The following ARFGEF2 variants were observed in gnomAD, a reference collection of about 807,000 sequenced individuals.
ARFGEF2 encodes ARF guanine nucleotide exchange factor 2.
Under a neutral mutation model 219.9 loss-of-function variants are expected in ARFGEF2, and 74 were observed. That is an observed-to-expected ratio of 0.34 (90% CI 0.28 to 0.41). The LOEUF is 0.41. Ranked by LOEUF, ARFGEF2 falls within the 10% of genes least tolerant of loss-of-function variation. The pLI is 1.00. For synonymous variants in ARFGEF2, 733 were observed against 799.2 expected (o/e 0.92, Z 1.40); for missense variants, 1,743 against 2,218.3 (o/e 0.79, Z 4.30).
At chr20:48,968,386 C>T (rs531551933) in intron 8 of ARFGEF2, among the ~76,000 whole-genome samples, 2 of 151,256 alleles carry the variant, frequency 1.3e-5, no homozygotes, top group South Asian at 2.1e-4. Flanking sequence ...CTTTGTTACC[C>T]GTTTATCCTG....
At chr20:48,985,015 C>A in intron 15 of ARFGEF2, 175 bp downstream of exon 15, 2 of 683,684 alleles carry the variant, frequency 2.9e-6, no homozygotes, top group Non-Finnish European at 3.6e-6. Flanking sequence ...ATCCCGTTGG[C>A]TAGTGTTGCA....
intron 8 of ARFGEF2, among the ~76,000 whole-genome samples, chr20:48,966,994 G>C (rs1388771092): frequency 6.6e-6 from 1 of 152,078 alleles, no homozygotes; most frequent in African/African-American, 2.4e-5. Context: ...CTACAGGCAT[G>C]CACCACCATA....
At chr20:48,926,586 G>A (rs1224105676) in intron 1 of ARFGEF2, among the ~76,000 whole-genome samples, 2 of 151,970 alleles carry the variant, frequency 1.3e-5, no homozygotes, top group South Asian at 2.1e-4. Flanking sequence ...AGCCTCCCAA[G>A]TAGCTAGGAC....
chr20:48,985,618 G>A lies in ARFGEF2; in HGVS notation c.2276+5G>A, dbSNP rs761295819. 3 of 1,614,012 alleles carry A rather than the reference G, an allele frequency of 1.9e-6. No individual in the cohort carries two copies. Among genetic ancestry groups the A allele is most frequent in the South Asian group, 2.2e-5 (2 of 91,072 alleles). ...ATACATAGAATGCAACCAAGGGTGA[G>A]CGCCGATTTTGAGTCCCTTCCAGAT... On this transcript the variant is annotated splice_donor_5th_base_variant and intron_variant, in intron 16 of 38. Coordinates refer to ENST00000371917, the MANE Select transcript of ARFGEF2 (RefSeq NM_006420.3).
intron 36 of ARFGEF2, among the ~76,000 whole-genome samples, chr20:49,027,937 G>A (rs1359022214): frequency 2.0e-5 from 3 of 152,192 alleles, no homozygotes; most frequent in Admixed American, 2.0e-4. Context: ...AAACCGGCCA[G>A]GGCCACATAG....
chr20:48,981,914 C>T lies in ARFGEF2; in HGVS notation c.1959-2815C>T, dbSNP rs773811900. 1.2e-3 allele frequency among the ~76,000 whole-genome samples: 178 copies of T among 152,134 alleles called. 1 individual carries two copies. The highest frequency in any genetic ancestry group is 2.1e-3 in the Non-Finnish European group (144 of 68,030). Reference sequence around the variant, plus strand: ...TTTTTCAAGGTTCTTAGCTTCCTTGCGATGGGTTCGAACATCCTCCTTTAG... The same window carrying T: ...TTTTTCAAGGTTCTTAGCTTCCTTGTGATGGGTTCGAACATCCTCCTTTAG... On this transcript the variant is annotated intron_variant, in intron 14 of 38. Transcript: ENST00000371917.
rs749416264 is a variant in ARFGEF2 at position 48,952,770 on chromosome 20, G to A, written c.489G>A (p.Val163=). 2 of 1,614,202 alleles carry A rather than the reference G, an allele frequency of 1.2e-6. No individual in the cohort carries two copies. Among genetic ancestry groups the A allele is most frequent in the Admixed American group, 3.3e-5 (2 of 60,018 alleles). The change falls in exon 5 of 39, where the codon GTG becomes GTA. Residue 163 remains valine, a synonymous_variant. Coordinates refer to ENST00000371917, the MANE Select transcript of ARFGEF2 (RefSeq NM_006420.3). ...EIHEGTILQT[V]RTCYNIYLAS... ...ATGAGGGTACTATCCTGCAGACAGT[G>A]AGAACATGTTACAATATCTATTTGG...
intron 14 of ARFGEF2, among the ~76,000 whole-genome samples, chr20:48,978,913 C>T (rs2123436589): frequency 6.6e-6 from 1 of 152,304 alleles, no homozygotes; most frequent in South Asian, 2.1e-4. Context: ...ATCATGTCAT[C>T]TGCAAACAGG....
intron 1 of ARFGEF2, among the ~76,000 whole-genome samples, chr20:48,940,738 C>A (rs1291668091): frequency 6.6e-6 from 1 of 152,194 alleles, no homozygotes; most frequent in African/African-American, 2.4e-5. Context: ...GCTCAGGAGA[C>A]ACTTGGCAAT....
At chr20:48,937,344 C>G (rs2090964928) in intron 1 of ARFGEF2, among the ~76,000 whole-genome samples, 1 of 152,228 alleles carries the variant, frequency 6.6e-6, no homozygotes, top group African/African-American at 2.4e-5. Flanking sequence ...TACAAAGATG[C>G]CGTTATCATC....
intron 36 of ARFGEF2, among the ~76,000 whole-genome samples, chr20:49,028,193 G>A (rs1356154105): frequency 1.3e-5 from 2 of 152,152 alleles, no homozygotes; most frequent in African/African-American, 2.4e-5. Context: ...GGGAGGCGGA[G>A]GTTGCAGTGA....
chr20:49,013,357 AG>A (rs2123525824), intron 28 of ARFGEF2, among the ~76,000 whole-genome samples: 1 of 150,618 alleles, frequency 6.6e-6, no homozygotes, highest in South Asian at 2.1e-4. Context: ...TAAAACCCGC[AG>A]AGGTCCATAG....
At chr20:49,017,620 A>G in intron 33 of ARFGEF2, 70 bp downstream of exon 33, 2 of 1,540,496 alleles carry the variant, frequency 1.3e-6, no homozygotes, top group Non-Finnish European at 1.8e-6. Flanking sequence ...ATAAGCCTGT[A>G]TAGTTTGTAC....
intron 1 of ARFGEF2, 102 bp downstream of exon 1, chr20:48,922,112 C>T (rs2090845804): frequency 6.8e-7 from 1 of 1,475,034 alleles, no homozygotes; most frequent in Non-Finnish European, 9.0e-7. Context: ...CCGCTTCCCC[C>T]CGATCCCGAA....
chr20:49,007,245 T>C (rs2091466609), intron 26 of ARFGEF2, among the ~76,000 whole-genome samples: 1 of 152,018 alleles, frequency 6.6e-6, no homozygotes, highest in African/African-American at 2.4e-5. Flanking sequence ...CTAATTCCTC[T>C]TGTCTGCTAT....
intron 1 of ARFGEF2, among the ~76,000 whole-genome samples, chr20:48,932,120 GA>G (rs2123282628): frequency 6.6e-6 from 1 of 152,284 alleles, no homozygotes; most frequent in Admixed American, 6.5e-5. Context: ...AAGTTCCTGA[GA>G]AGGCGGATAG....
At chr20:48,923,961 C>T (rs978160672) in intron 1 of ARFGEF2, among the ~76,000 whole-genome samples, 1 of 152,046 alleles carries the variant, frequency 6.6e-6, no homozygotes, top group South Asian at 2.1e-4. Context: ...AAAAAATGGC[C>T]TAGATAGGAA....
At chr20:48,971,474 AAATGTT>A in intron 10 of ARFGEF2, 120 bp downstream of exon 10, 2 of 929,982 alleles carry the variant, frequency 2.2e-6, no homozygotes, top group Non-Finnish European at 1.6e-6. Flanking sequence ...TGGTTCATGA[AAATGTT>A]TCATATCTTA....
intron 14 of ARFGEF2, among the ~76,000 whole-genome samples, chr20:48,982,471 TGAG>T (rs1380590798): frequency 1.3e-5 from 2 of 152,124 alleles, no homozygotes; most frequent in Non-Finnish European, 2.9e-5. Context: ...GGGTCCCACT[TGAG>T]GAGGCAGGCT....
Sources: gnomAD v4.1 joint callset for allele counts (sites outside exome capture counted in the v4.1 genomes callset) on GRCh38, gnomAD v4.1.1 for gene constraint, MANE v1.5 for transcripts, NCBI Gene and HGNC (gene_info 2026-07-23, HGNC 2026-07-21) for gene names.